Variants in TMCO5A observed in about 807,000 individuals in gnomAD.
The protein encoded by TMCO5A is transmembrane and coiled-coil domain-containing protein 5A.
Under a neutral mutation model 42.3 loss-of-function variants are expected in TMCO5A, and 34 were observed. That is an observed-to-expected ratio of 0.80 (90% confidence interval 0.61 to 1.07). The LOEUF is 1.07. Ranked by LOEUF, TMCO5A falls within the 50% of genes least tolerant of loss-of-function variation. The pLI is 0.00. For missense variants in TMCO5A, 357 were observed against 327.9 expected (o/e 1.09, Z -0.69); for synonymous variants, 131 against 115.6 (o/e 1.13, Z -0.86).
At chr15:37,970,021 T>A (rs1477636692), downstream of TMCO5A, among the ~76,000 whole-genome samples, 3 of 152,220 alleles carry the variant, frequency 2.0e-5, no homozygotes, top group Non-Finnish European at 2.9e-5. Flanking sequence ...TGGCTTATAT[T>A]CCTTTGGGTA....
At chr15:38,037,650 G>A in the TMCO5A span, among the ~76,000 whole-genome samples, 81 of 152,314 alleles carry the variant, frequency 5.3e-4, no homozygotes, top group African/African-American at 1.8e-3. Flanking sequence ...GAATGGAGAA[G>A]TAGGGCCACA....
At chr15:37,955,575 G>A (rs1229049205), downstream of TMCO5A, among the ~76,000 whole-genome samples, 2 of 152,064 alleles carry the variant, frequency 1.3e-5, no homozygotes, top group Non-Finnish European at 2.9e-5. Flanking sequence ...CCCAATACAG[G>A]AGCACCCAGA....
At chr15:37,964,877 A>G (rs934163240) in intron 11 of TMCO5A, among the ~76,000 whole-genome samples, 2 of 152,150 alleles carry the variant, frequency 1.3e-5, no homozygotes, top group African/African-American at 2.4e-5. Flanking sequence ...TTATCAAAAT[A>G]CCAACGACAT....
At chr15:38,031,307 GGT>G in the TMCO5A span, among the ~76,000 whole-genome samples, 1 of 152,050 alleles carries the variant, frequency 6.6e-6, no homozygotes, top group Non-Finnish European at 1.5e-5. Context: ...TACCACTTGT[GGT>G]AACCAGCCTC....
chr15:38,030,558 TCTTCTTAAAGTCCTTTAGTAA>T, the TMCO5A span, among the ~76,000 whole-genome samples: 1 of 152,156 alleles, frequency 6.6e-6, no homozygotes, highest in Non-Finnish European at 1.5e-5. Flanking sequence ...TGATCCACCC[TCTTCTTAAAGTCCTTTAGTAA>T]CTTCCTCCTG....
chr15:37,982,686 CATATGTT>C, the TMCO5A span, among the ~76,000 whole-genome samples: 3 of 141,048 alleles, frequency 2.1e-5, no homozygotes, highest in African/African-American at 8.0e-5. Context: ...TATATTAACA[CATATGTT>C]ATATGATCTA....
the TMCO5A span, among the ~76,000 whole-genome samples, chr15:38,003,343 C>A: frequency 1.3e-5 from 2 of 152,090 alleles, no homozygotes; most frequent in South Asian, 4.1e-4. Flanking sequence ...TGGGTCAGAC[C>A]CAAAGCCAGC....
chr15:38,006,929 A>T, the TMCO5A span, among the ~76,000 whole-genome samples: 2 of 151,988 alleles, frequency 1.3e-5, no homozygotes, highest in Non-Finnish European at 2.9e-5. Context: ...CAACAACTCA[A>T]ATCTGCCATT....
At chr15:38,040,690 C>G in the TMCO5A span, 1 of 152,096 alleles carries the variant, frequency 6.6e-6, no homozygotes, top group Non-Finnish European at 1.5e-5. Flanking sequence ...AAGAAAGAAG[C>G]CGGTCACAAA....
the TMCO5A span, among the ~76,000 whole-genome samples, chr15:38,035,740 C>T: frequency 6.6e-6 from 1 of 152,126 alleles, no homozygotes; most frequent in Non-Finnish European, 1.5e-5. Flanking sequence ...AATGTTAACC[C>T]CCTCAAAGTT....
the TMCO5A span, among the ~76,000 whole-genome samples, chr15:38,009,618 C>T: frequency 6.6e-6 from 1 of 152,132 alleles, no homozygotes. Context: ...AATAGATATG[C>T]CCTTTTCTAA....
At chr15:38,003,836 C>G in the TMCO5A span, among the ~76,000 whole-genome samples, 2 of 152,078 alleles carry the variant, frequency 1.3e-5, no homozygotes, top group Non-Finnish European at 2.9e-5. Context: ...GAAATGCTGT[C>G]CAGGAGCCAA....
At chr15:37,943,434 G>C in intron 10 of TMCO5A, 36 bp downstream of exon 10, 2 of 1,603,264 alleles carry the variant, frequency 1.2e-6, no homozygotes, top group Non-Finnish European at 1.7e-6. Flanking sequence ...TCCTCACAGT[G>C]TCATTGCCTT....
chr15:37,982,737 AATATATATAAAT>A, the TMCO5A span, among the ~76,000 whole-genome samples: 1 of 141,380 alleles, frequency 7.1e-6, no homozygotes, highest in African/African-American at 2.7e-5. Context: ...ATAATATATA[AATATATATAAAT>A]ATATAATATA....
the TMCO5A span, among the ~76,000 whole-genome samples, chr15:37,977,528 A>C: frequency 4.6e-5 from 7 of 152,292 alleles, no homozygotes; most frequent in South Asian, 1.5e-3. Flanking sequence ...GATGGCACTT[A>C]AGTGTAATAG....
chr15:38,010,425 T>TCTCTCACACACACACA, the TMCO5A span, among the ~76,000 whole-genome samples: 1 of 117,442 alleles, frequency 8.5e-6, no homozygotes, highest in Non-Finnish European at 1.7e-5. Context: ...CAGAGGGAGA[T>TCTCTCACACACACACA]CACACACACA....
intron 2 of TMCO5A, among the ~76,000 whole-genome samples, chr15:37,935,630 T>C (rs769412619): frequency 1.3e-5 from 2 of 152,004 alleles, no homozygotes; most frequent in Admixed American, 6.6e-5. Flanking sequence ...AAAAGAAAAA[T>C]ATATCAAGAG....
downstream of TMCO5A, among the ~76,000 whole-genome samples, chr15:37,972,323 G>A (rs2959348): frequency 0.77 from 117,686 of 152,142 alleles, 50,254 homozygotes; most frequent in Non-Finnish European, 0.94. Flanking sequence ...ACCTCCCACC[G>A]GGTCCCTCCC....
At chr15:37,967,251 T>C (rs1890578863) in exon 12 of TMCO5A, 1 of 152,566 alleles carries the variant, frequency 6.6e-6, no homozygotes, top group African/African-American at 2.4e-5. Flanking sequence ...TTCACATGCC[T>C]TACTAATAGG....
Sources: allele counts gnomAD v4.1 joint callset (sites outside exome capture counted in the v4.1 genomes callset), GRCh38; gene constraint gnomAD v4.1.1; transcripts MANE v1.5; gene names NCBI Gene and HGNC (gene_info 2026-07-23, HGNC 2026-07-21).